Variants in PEBP4 observed in about 807,000 individuals in gnomAD.
PEBP4 encodes the protein phosphatidylethanolamine-binding protein 4.
In PEBP4, 22 loss-of-function variants were observed where a neutral mutation model predicts 23.9. That is an observed-to-expected ratio of 0.92 (90% CI 0.66 to 1.31). PEBP4 has a LOEUF of 1.31. Ranked by LOEUF, PEBP4 falls within the 40% of genes most tolerant of loss-of-function variation. The pLI, the probability that PEBP4 is intolerant of heterozygous loss-of-function variation, is 0.00. For synonymous variants in PEBP4, 112 were observed against 99.3 expected, an observed-to-expected ratio of 1.13 and a Z score of -0.76; for missense variants, 324 against 281.7, an observed-to-expected ratio of 1.15 and a Z score of -1.07.
At chr8:22,885,403 C>T (rs1366292654) in intron 3 of PEBP4, 1 of 152,324 alleles carries the variant, frequency 6.6e-6, no homozygotes, top group African/African-American at 2.4e-5. Context: ...CCAGCACCCG[C>T]CCTTTGCCTC....
At chr8:22,831,317 A>T (rs1268009488) in intron 3 of PEBP4, among the ~76,000 whole-genome samples, 3 of 152,102 alleles carry the variant, frequency 2.0e-5, no homozygotes, top group Non-Finnish European at 4.4e-5. Context: ...TTTTTTATTA[A>T]TGTCAGTGTC....
intron 3 of PEBP4, among the ~76,000 whole-genome samples, chr8:22,821,585 T>A (rs890400466): frequency 1.3e-5 from 2 of 151,998 alleles, no homozygotes; most frequent in Non-Finnish European, 2.9e-5. Context: ...ACTTGGCAAA[T>A]GGGCAGTGGA....
chr8:22,927,802 C>A, intron 1 of PEBP4, 21 bp downstream of exon 1: 1 of 1,562,590 alleles, frequency 6.4e-7, no homozygotes, highest in Non-Finnish European at 8.7e-7. Context: ...ACCCCAGGGG[C>A]CCACTTGGCA....
In PEBP4 at chr8:22,806,512, G is replaced by A. The variant is rs1369845854; in HGVS notation, c.357+11125C>T. 2.6e-5 allele frequency among the ~76,000 whole-genome samples: 4 copies of A among 152,092 alleles called. No individual in the cohort carries two copies. The South Asian group carries it at 8.3e-4, about 32-fold the overall frequency. On this transcript the variant is annotated intron_variant, in intron 4 of 6. Coordinates refer to ENST00000256404, the MANE Select transcript of PEBP4 (RefSeq NM_144962.3). ...TGCATGTAATCCCAGCTACTCAGGAGGCTGAGGCAGGAGAATTGCTTGAAG... is the reference window on the plus strand; with the variant it reads ...TGCATGTAATCCCAGCTACTCAGGAAGCTGAGGCAGGAGAATTGCTTGAAG...
intron 4 of PEBP4, among the ~76,000 whole-genome samples, chr8:22,760,925 G>A (rs1455293793): frequency 6.6e-6 from 1 of 152,206 alleles, no homozygotes; most frequent in Non-Finnish European, 1.5e-5. Flanking sequence ...GGTCTAGGGT[G>A]TTCAAGGAGG....
At chr8:22,727,968 G>T (rs906677573) in intron 4 of PEBP4, among the ~76,000 whole-genome samples, 1 of 152,162 alleles carries the variant, frequency 6.6e-6, no homozygotes, top group African/African-American at 2.4e-5. Context: ...AGATGAAAGA[G>T]ACTGGAGCCG....
At chr8:22,930,269 G>A (rs76750134), upstream of PEBP4, among the ~76,000 whole-genome samples, 1 of 152,114 alleles carries the variant, frequency 6.6e-6, no homozygotes, top group Non-Finnish European at 1.5e-5. Flanking sequence ...CTTCATTAGG[G>A]GGGTAGCTGA....
chr8:22,886,483 G>A (rs1045820529), intron 3 of PEBP4: 3 of 152,284 alleles, frequency 2.0e-5, no homozygotes, highest in African/African-American at 7.2e-5. Flanking sequence ...GGAGGTGTAA[G>A]GGTTAAATGG....
chr8:22,871,220 C>G (rs1036143588), intron 3 of PEBP4, among the ~76,000 whole-genome samples: 2 of 152,140 alleles, frequency 1.3e-5, no homozygotes, highest in African/African-American at 4.8e-5. Flanking sequence ...AAGCGAACAT[C>G]AAACAACCTA....
At chr8:22,764,195 A>G (rs982965840) in intron 4 of PEBP4, among the ~76,000 whole-genome samples, 3 of 152,178 alleles carry the variant, frequency 2.0e-5, no homozygotes, top group African/African-American at 7.2e-5. Flanking sequence ...TTGGGATTCT[A>G]TTGGGTTAGA....
chr8:22,875,937 TCTCA>T (rs372650482), intron 3 of PEBP4, among the ~76,000 whole-genome samples: 16 of 152,180 alleles, frequency 1.1e-4, no homozygotes, highest in African/African-American at 3.9e-4. Flanking sequence ...TGAGGCAGAC[TCTCA>T]CTCTGTCGCC....
At chr8:22,918,847 C>T (rs1253253345) in intron 3 of PEBP4, among the ~76,000 whole-genome samples, 1 of 152,194 alleles carries the variant, frequency 6.6e-6, no homozygotes, top group Non-Finnish European at 1.5e-5. Flanking sequence ...TCTTGGCTGT[C>T]CACAGGTGTG....
intron 3 of PEBP4, among the ~76,000 whole-genome samples, chr8:22,824,462 G>A (rs995390963): frequency 1.3e-5 from 2 of 152,166 alleles, no homozygotes; most frequent in African/African-American, 4.8e-5. Flanking sequence ...TTGGCACCAG[G>A]AACTGGTTTC....
intron 4 of PEBP4, among the ~76,000 whole-genome samples, chr8:22,734,887 C>T (rs1426426898): frequency 1.3e-5 from 2 of 152,198 alleles, no homozygotes; most frequent in Non-Finnish European, 2.9e-5. Flanking sequence ...GGAGGAGCTT[C>T]ACCCAGAGCG....
chr8:22,936,262 A>G (rs1809539069), intron 1 of PEBP4, among the ~76,000 whole-genome samples: 1 of 151,752 alleles, frequency 6.6e-6, no homozygotes, highest in Non-Finnish European at 1.5e-5. Flanking sequence ...AAATAAAAAT[A>G]TAAATAATAT....
intron 2 of PEBP4, among the ~76,000 whole-genome samples, chr8:22,921,498 C>A (rs73218756): frequency 0.099 from 15,097 of 152,242 alleles, 1,005 homozygotes; most frequent in Non-Finnish European, 0.15. Flanking sequence ...GGTGGGGAAC[C>A]CTGCATTGCC....
rs201399255 is a variant in PEBP4 at position 22,716,576 on chromosome 8, T to C, written c.518-3040A>G. Reference sequence around the variant, plus strand: ...TGTTTGGAAAAGGCCCTGGGGCAGGTCTTGACAGTCACTCTCTCCACCCCA... The same window carrying C: ...TGTTTGGAAAAGGCCCTGGGGCAGGCCTTGACAGTCACTCTCTCCACCCCA... On this transcript the variant is annotated intron_variant, in intron 6 of 6. Transcript: ENST00000256404. Among the ~76,000 whole-genome samples, 23 of 152,318 alleles carry C rather than the reference T, an allele frequency of 1.5e-4. No individual in the cohort carries two copies. In the East Asian group the frequency reaches 4.2e-3, roughly 28 times the overall value.
In PEBP4 at chr8:22,716,674, C is replaced by T. The variant is rs11781818; in HGVS notation, c.518-3138G>A. On this transcript the variant is annotated intron_variant, in intron 6 of 6. Coordinates refer to ENST00000256404, the MANE Select transcript of PEBP4 (RefSeq NM_144962.3). ...TGTCACGTGCTGGACAAACTCTGGA[C>T]GGCTCCATTGGGCCAGTTAGGGCTA... 4.5e-3 allele frequency among the ~76,000 whole-genome samples: 678 copies of T among 152,338 alleles called. 2 individuals carry two copies. The highest frequency in any genetic ancestry group is 7.7e-3 in the Non-Finnish European group (522 of 68,026).
At chr8:22,855,636 T>C (rs922016285) in intron 3 of PEBP4, among the ~76,000 whole-genome samples, 2 of 152,168 alleles carry the variant, frequency 1.3e-5, no homozygotes, top group Non-Finnish European at 2.9e-5. Flanking sequence ...AATGTCCTTA[T>C]GCGTGGGGAA....
Sources: gnomAD v4.1 joint callset for allele counts (sites outside exome capture counted in the v4.1 genomes callset) on GRCh38, gnomAD v4.1.1 for gene constraint, MANE v1.5 for transcripts, NCBI Gene and HGNC (gene_info 2026-07-23, HGNC 2026-07-21) for gene names.